The following DPP6 variants were observed in gnomAD, a reference collection of about 807,000 sequenced individuals.
The protein encoded by DPP6 is A-type potassium channel modulatory protein DPP6.
DPP6 carries 69 observed loss-of-function variants against 122.6 expected under a neutral mutation model. That is an observed-to-expected ratio of 0.56 (90% CI 0.46 to 0.69). The LOEUF (loss-of-function observed/expected upper bound fraction) is 0.69, where lower values mean the gene tolerates loss of function less well. DPP6 is among the 30% of genes least tolerant of loss of function. The pLI is 0.00. For missense variants in DPP6, 928 were observed against 1,116.9 expected, an observed-to-expected ratio of 0.83 and a Z score of 2.41; for synonymous variants, 418 against 433.1, an observed-to-expected ratio of 0.97 and a Z score of 0.43.
chr7:154,488,462 A>G (rs1466194772), intron 3 of DPP6, among the ~76,000 whole-genome samples: 1 of 151,986 alleles, frequency 6.6e-6, no homozygotes, highest in African/African-American at 2.4e-5. Flanking sequence ...CAAAAAAAAA[A>G]AGAAAGCAGA....
the DPP6 span, among the ~76,000 whole-genome samples, chr7:153,879,165 T>C: frequency 6.6e-6 from 1 of 152,108 alleles, no homozygotes; most frequent in South Asian, 2.1e-4. Context: ...ATGAATGCAC[T>C]GGAGAAGGGA....
chr7:154,652,969 A>G (rs1305801687), intron 6 of DPP6, among the ~76,000 whole-genome samples: 1 of 152,162 alleles, frequency 6.6e-6, no homozygotes, highest in African/African-American at 2.4e-5. Flanking sequence ...GTTCACGTCC[A>G]TTCATTCTTT....
chr7:153,933,920 C>T (rs1415263151), intron 1 of DPP6, among the ~76,000 whole-genome samples: 6 of 152,190 alleles, frequency 3.9e-5, no homozygotes, highest in Admixed American at 2.6e-4. Flanking sequence ...AATCATGTAT[C>T]GTGGATCGCG....
At chr7:154,495,778 C>T (rs1000436156) in intron 3 of DPP6, among the ~76,000 whole-genome samples, 12 of 152,160 alleles carry the variant, frequency 7.9e-5, no homozygotes, top group Admixed American at 2.0e-4. Flanking sequence ...AGGCAAATCT[C>T]CTTCTTTTAA....
intron 5 of DPP6, among the ~76,000 whole-genome samples, chr7:154,635,884 CA>C (rs1835699595): frequency 6.6e-6 from 1 of 152,200 alleles, no homozygotes; most frequent in African/African-American, 2.4e-5. Flanking sequence ...ATATGAAAGA[CA>C]GCAAGAAGGA....
In DPP6 at chr7:154,171,104, C is replaced by T. The variant is rs56086022; in HGVS notation, c.243+118041C>T. ...CTCTGAGTTTGTAGGTAAGCTTCCA[C>T]CCAAAATATTGTTGTGAGACCTTGG... On this transcript the variant is annotated intron_variant, in intron 1 of 25. Transcript: ENST00000377770. Among the ~76,000 whole-genome samples, 1,246 of 152,318 alleles carry T rather than the reference C, an allele frequency of 8.2e-3. 23 individuals carry two copies. The highest frequency in any genetic ancestry group is 0.029 in the African/African-American group (1,187 of 41,564).
intron 5 of DPP6, among the ~76,000 whole-genome samples, chr7:154,569,587 T>G (rs1285282630): frequency 6.6e-6 from 1 of 151,970 alleles, no homozygotes; most frequent in African/African-American, 2.4e-5. Flanking sequence ...CTTGTTTATA[T>G]GAACCAACTC....
At chr7:154,610,616 C>A (rs953439172) in intron 5 of DPP6, among the ~76,000 whole-genome samples, 3 of 152,004 alleles carry the variant, frequency 2.0e-5, no homozygotes, top group African/African-American at 7.3e-5. Context: ...TGAGGTCTTA[C>A]ATTAGCATTA....
At position 154,038,299 on chromosome 7, in the gene DPP6, G is replaced by A. The variant is rs1325314933; in HGVS notation, c.51+150565G>A. ...GTCCTCTACTGGGGAGATACAGGGAGGTATCCAGCAGTACAGCCTGTCTGT... is the reference window on the plus strand; with the variant it reads ...GTCCTCTACTGGGGAGATACAGGGAAGTATCCAGCAGTACAGCCTGTCTGT... On this transcript the variant is annotated intron_variant, in intron 1 of 25. Coordinates refer to the DPP6 transcript ENST00000404039. The A allele has an allele frequency of 1.2e-3, 108 of 92,392 alleles. 2 individuals carry two copies. Among genetic ancestry groups the A allele is most frequent in the African/African-American group, 4.8e-3 (98 of 20,210 alleles). 5.7% of individuals were successfully genotyped at this position (92,392 alleles called of 1,614,324 possible). A position where few individuals can be genotyped will look rare whatever the true frequency, so the allele number is the denominator to read the frequency against.
At chr7:154,063,473 A>G (rs1403804338) in intron 1 of DPP6, among the ~76,000 whole-genome samples, 1 of 127,790 alleles carries the variant, frequency 7.8e-6, no homozygotes, top group Non-Finnish European at 1.7e-5. Flanking sequence ...GCAGGGACTG[A>G]GAGCCATTCC....
At chr7:154,668,828 G>T (rs933612173) in intron 6 of DPP6, among the ~76,000 whole-genome samples, 5 of 152,058 alleles carry the variant, frequency 3.3e-5, no homozygotes, top group African/African-American at 1.2e-4. Flanking sequence ...AAAATATAAG[G>T]AGGTTTGAAA....
At chr7:154,663,149 G>T (rs1245547910) in intron 6 of DPP6, among the ~76,000 whole-genome samples, 1 of 76,088 alleles carries the variant, frequency 1.3e-5, no homozygotes, top group African/African-American at 3.5e-5. Context: ...ACGCAGTCAT[G>T]GTGAATCACC....
chr7:154,208,095 AAAAG>A (rs1799547654), intron 1 of DPP6, among the ~76,000 whole-genome samples: 1 of 152,220 alleles, frequency 6.6e-6, no homozygotes, highest in Non-Finnish European at 1.5e-5. Flanking sequence ...GTTATTTAAT[AAAAG>A]AAAGAAAAAT....
At chr7:153,968,855 A>G (rs1409203412) in intron 1 of DPP6, 3 of 152,150 alleles carry the variant, frequency 2.0e-5, no homozygotes, top group Non-Finnish European at 2.9e-5. Flanking sequence ...GGAATCGTAC[A>G]TGGTGTCATC....
At chr7:153,936,920 T>C (rs1219861478) in intron 1 of DPP6, among the ~76,000 whole-genome samples, 2 of 152,184 alleles carry the variant, frequency 1.3e-5, no homozygotes, top group Non-Finnish European at 2.9e-5. Flanking sequence ...TGTGGGACTT[T>C]GTATGGCAGC....
chr7:154,662,167 T>C (rs1259055984), intron 6 of DPP6, among the ~76,000 whole-genome samples: 1 of 150,922 alleles, frequency 6.6e-6, no homozygotes, highest in Non-Finnish European at 1.5e-5. Context: ...TTGGCCGTAG[T>C]GTTCATATAG....
At chr7:153,877,578 T>A in the DPP6 span, among the ~76,000 whole-genome samples, 3 of 152,190 alleles carry the variant, frequency 2.0e-5, no homozygotes, top group Non-Finnish European at 4.4e-5. Context: ...CTGGGACTAC[T>A]GTGGTATATG....
intron 1 of DPP6, among the ~76,000 whole-genome samples, chr7:153,890,536 G>A (rs147013641): frequency 6.6e-6 from 1 of 152,226 alleles, no homozygotes; most frequent in African/African-American, 2.4e-5. Context: ...TTTAAAAAAT[G>A]TTTTATTCCT....
At chr7:153,960,689 G>A (rs1402524561) in intron 1 of DPP6, among the ~76,000 whole-genome samples, 2 of 146,292 alleles carry the variant, frequency 1.4e-5, no homozygotes, top group Admixed American at 1.4e-4. Flanking sequence ...GTACATGCGT[G>A]TGCATGTGTG....
Sources: gnomAD v4.1 joint callset for allele counts (sites outside exome capture counted in the v4.1 genomes callset) on GRCh38, gnomAD v4.1.1 for gene constraint, MANE v1.5 for transcripts, NCBI Gene and HGNC (gene_info 2026-07-23, HGNC 2026-07-21) for gene names.